Variants in SNX8 observed in about 807,000 individuals in gnomAD.
The protein encoded by SNX8 is sorting nexin-8.
A neutral mutation model predicts 51.6 loss-of-function variants in SNX8; 25 were observed. The ratio of observed to expected loss-of-function variants is 0.48; its 90% CI spans 0.35 to 0.68. SNX8 has a LOEUF of 0.68. Ranked by LOEUF, SNX8 falls within the 30% of genes least tolerant of loss-of-function variation. The probability of loss-of-function intolerance (pLI) is 0.00; values close to 1 mark genes in which losing one functional copy is unlikely to be tolerated. For synonymous variants in SNX8, 324 were observed against 277.0 expected (o/e 1.17, Z -1.68); for missense variants, 695 against 624.0 (o/e 1.11, Z -1.21).
chr7:2,275,512 G>A (rs1406715369), intron 2 of SNX8, among the ~76,000 whole-genome samples: 1 of 151,798 alleles, frequency 6.6e-6, no homozygotes, highest in Non-Finnish European at 1.5e-5. Context: ...GACCAGCCTG[G>A]CCAACATGGC....
intron 1 of SNX8, among the ~76,000 whole-genome samples, chr7:2,321,867 G>A (rs1778520499): frequency 1.3e-5 from 2 of 151,818 alleles, no homozygotes; most frequent in Admixed American, 1.3e-4. Context: ...GGGATTACAG[G>A]CGCCCGCCAC....
chr7:2,339,918 G>T (rs998146074), intron 1 of SNX8, among the ~76,000 whole-genome samples: 1 of 152,052 alleles, frequency 6.6e-6, no homozygotes. Flanking sequence ...CGATATCACT[G>T]GGAAACACCA....
intron 8 of SNX8, 78 bp from the exon 9 acceptor site, chr7:2,257,592 C>A (rs745845150): frequency 4.4e-6 from 7 of 1,583,256 alleles, no homozygotes; most frequent in Non-Finnish European, 5.1e-6. Flanking sequence ...GAGGGAAGCA[C>A]CCCCGCCAGA....
At chr7:2,322,992 G>A (rs1778557443) in intron 1 of SNX8, among the ~76,000 whole-genome samples, 1 of 151,750 alleles carries the variant, frequency 6.6e-6, no homozygotes, top group Admixed American at 6.6e-5. Flanking sequence ...ACTCCAGCCT[G>A]GGCAACAGAA....
chr7:2,266,179 T>C (rs1201818536), intron 5 of SNX8, among the ~76,000 whole-genome samples: 2 of 152,088 alleles, frequency 1.3e-5, no homozygotes, highest in African/African-American at 2.4e-5. Flanking sequence ...TTCTGGTTTT[T>C]TTGTTGTTGT....
intron 7 of SNX8, among the ~76,000 whole-genome samples, chr7:2,259,627 C>T (rs1255417891): frequency 6.6e-6 from 1 of 152,218 alleles, no homozygotes; most frequent in African/African-American, 2.4e-5. Flanking sequence ...GCCACCAACC[C>T]CACACCCAAA....
intron 5 of SNX8, among the ~76,000 whole-genome samples, chr7:2,267,010 C>G (rs898266256): frequency 6.6e-6 from 1 of 152,204 alleles, no homozygotes; most frequent in Non-Finnish European, 1.5e-5. Context: ...GCAGAGGGCA[C>G]GAGGTGCCTG....
intron 1 of SNX8, among the ~76,000 whole-genome samples, chr7:2,322,586 C>T (rs562393819): frequency 6.6e-6 from 1 of 151,914 alleles, no homozygotes; most frequent in African/African-American, 2.4e-5. Context: ...CCCAGCTACT[C>T]GGGAGGCTGA....
chr7:2,327,772 G>A (rs1778652997), intron 1 of SNX8, among the ~76,000 whole-genome samples: 1 of 152,052 alleles, frequency 6.6e-6, no homozygotes, highest in Non-Finnish European at 1.5e-5. Flanking sequence ...TCTATCTCCT[G>A]ACCTCGTGAT....
At chr7:2,273,186 C>G (rs1223288946) in intron 3 of SNX8, among the ~76,000 whole-genome samples, 4 of 152,018 alleles carry the variant, frequency 2.6e-5, no homozygotes, top group African/African-American at 9.7e-5. Context: ...GTGTGGCTCA[C>G]ACCTGTAATC....
intron 1 of SNX8, among the ~76,000 whole-genome samples, chr7:2,335,555 C>G (rs1361081527): frequency 6.6e-6 from 1 of 152,176 alleles, no homozygotes; most frequent in Non-Finnish European, 1.5e-5. Flanking sequence ...GTAATCCCAG[C>G]ACTTCGGGAG....
chr7:2,318,537 A>G (rs539144443), upstream of SNX8, among the ~76,000 whole-genome samples: 93 of 146,386 alleles, frequency 6.4e-4, no homozygotes, highest in Middle Eastern at 3.5e-3. Flanking sequence ...AAAAAAAAAG[A>G]AAAAAAAAAT....
In SNX8 at chr7:2,257,364, C is replaced by T; in HGVS notation, c.1134+1G>A. The T allele has an allele frequency of 6.2e-7, 1 of 1,605,138 alleles. No individual in the cohort carries two copies. Among genetic ancestry groups the T allele is most frequent in the Non-Finnish European group, 8.5e-7 (1 of 1,178,988 alleles). ...GCCTGCTCGGCCGCCCCGCCACCCA[C>T]CTCCACAATGCGGGACTCCAGCTGC... On this transcript the variant is annotated splice_donor_variant, in intron 9 of 10. Coordinates refer to ENST00000222990, the MANE Select transcript of SNX8 (RefSeq NM_013321.4). LOFTEE classifies it high-confidence loss of function.
chr7:2,328,034 T>G (rs1778657901), intron 1 of SNX8, among the ~76,000 whole-genome samples: 1 of 151,908 alleles, frequency 6.6e-6, no homozygotes, highest in Non-Finnish European at 1.5e-5. Context: ...TCCAACCTAT[T>G]TTTTTATTTT....
intron 5 of SNX8, among the ~76,000 whole-genome samples, chr7:2,268,530 T>C (rs1448157025): frequency 6.0e-5 from 7 of 116,942 alleles, no homozygotes; most frequent in African/African-American, 1.0e-4. Context: ...CGGCCAGCCG[T>C]GCCATCCGGG....
chr7:2,302,377 T>C (rs1479777547), intron 1 of SNX8, among the ~76,000 whole-genome samples: 1 of 152,246 alleles, frequency 6.6e-6, no homozygotes, highest in African/African-American at 2.4e-5. Context: ...GTGCCGGGAT[T>C]GCAGACGGAG....
In SNX8 at chr7:2,328,958, T is replaced by C. The variant is rs183967096; in HGVS notation, c.-66+25264A>G. On this transcript the variant is annotated intron_variant, in intron 1 of 5. Transcript: ENST00000435336. The stretch of plus-strand genomic sequence containing the variant: ...AAAGTTAGCCGGGCGTGTTGGCGGG[T>C]GCCTGTAGTCCCAGCTATTCGGGAG... Among the ~76,000 whole-genome samples, 253 of 151,832 alleles carry C rather than the reference T, an allele frequency of 1.7e-3. 2 individuals are homozygous for C. Among genetic ancestry groups the C allele is most frequent in the African/African-American group, 6.0e-3 (247 of 41,446 alleles).
rs1583116108 is a variant in SNX8 at position 2,329,445 on chromosome 7, G to C, written c.-66+24777C>G. ...CAGTTGTGGTGTTATGAACTACGTT[G>C]TTTTTCGTGCGGGGGCTCTTGGCTC... On this transcript the variant is annotated intron_variant, in intron 1 of 5. Transcript: ENST00000435336. Among the ~76,000 whole-genome samples, 4 of 152,314 alleles carry C rather than the reference G, an allele frequency of 2.6e-5. No individual in the cohort carries two copies. In the South Asian group the frequency reaches 8.3e-4, roughly 32 times the overall value.
At chr7:2,268,403 A>G (rs1407004347) in intron 5 of SNX8, among the ~76,000 whole-genome samples, 1 of 116,702 alleles carries the variant, frequency 8.6e-6, no homozygotes, top group Admixed American at 8.8e-5. Flanking sequence ...CCATCTGGGA[A>G]GTGAGGAGCG....
Sources: gnomAD v4.1 joint callset for allele counts (sites outside exome capture counted in the v4.1 genomes callset) on GRCh38, gnomAD v4.1.1 for gene constraint, MANE v1.5 for transcripts, NCBI Gene and HGNC (gene_info 2026-07-23, HGNC 2026-07-21) for gene names.